TET3: variants seen among roughly 807,000 people sequenced by gnomAD.
TET3 encodes methylcytosine dioxygenase TET3.
A neutral mutation model predicts 141.4 loss-of-function variants in TET3; 19 were observed. The observed-to-expected ratio is 0.13, with a 90% confidence interval of 0.09 to 0.20. TET3 has a LOEUF of 0.20. TET3 is among the 10% of genes least tolerant of loss of function. The pLI is 1.00. For missense variants in TET3, 1,874 were observed against 2,356.9 expected (o/e 0.80, Z 4.24); for synonymous variants, 1,043 against 980.9 (o/e 1.06, Z -1.18).
At chr2:73,992,020 C>T (rs999268820) in intron 2 of TET3, among the ~76,000 whole-genome samples, 17 of 151,962 alleles carry the variant, frequency 1.1e-4, no homozygotes, top group African/African-American at 4.1e-4. Flanking sequence ...TGGTCTGAGC[C>T]CCTAAGAGGA....
At chr2:74,056,763 A>T (rs1271313141) in intron 4 of TET3, among the ~76,000 whole-genome samples, 1 of 152,176 alleles carries the variant, frequency 6.6e-6, no homozygotes, top group African/African-American at 2.4e-5. Flanking sequence ...AAATCAATAA[A>T]AATAGAGGAA....
upstream of TET3, among the ~76,000 whole-genome samples, chr2:73,984,742 G>A (rs1313552141): frequency 2.0e-5 from 3 of 149,744 alleles, no homozygotes; most frequent in Middle Eastern, 3.6e-3. This position sits in a 1 kb window ranked among gnomAD's most constrained non-coding sequence, Gnocchi z 5.6. Context: ...CCTGCCCCAA[G>A]CCGCTCGCAG....
chr2:74,021,814 A>T (rs1483107067), intron 3 of TET3, among the ~76,000 whole-genome samples: 1 of 152,256 alleles, frequency 6.6e-6, no homozygotes, highest in Non-Finnish European at 1.5e-5. Flanking sequence ...GGCTTCCAGT[A>T]CTTGATCAGG....
chr2:74,102,020 C>T lies in TET3; in HGVS notation c.5232C>T (p.Arg1744=). ...AGGCCAAGCTCTACGGGAAGAAGCG[C>T]AAGTGGGGGGGCACTGTGGTTGCTG... ...QQEAKLYGKK[R]KWGGTVVAEP... Residue 1744 remains arginine, a synonymous_variant, in exon 12 of 12, where the codon CGC becomes CGT. Transcript: ENST00000409262. 6.3e-7 allele frequency: 1 copy of T among 1,576,906 alleles called. No individual in the cohort carries two copies. Among genetic ancestry groups the T allele is most frequent in the Non-Finnish European group, 8.6e-7 (1 of 1,159,610 alleles).
intron 8 of TET3, among the ~76,000 whole-genome samples, chr2:74,090,601 G>T (rs1009344845): frequency 6.6e-6 from 1 of 152,216 alleles, no homozygotes; most frequent in Non-Finnish European, 1.5e-5. Flanking sequence ...TGACCGCTAG[G>T]CACGGCACCT....
rs1375629086 is a variant in TET3, at chr2:74,105,046, C to CCAG, written c.*2871_*2872insAGC. Reference sequence around the variant, plus strand: ...GTAACTATGCACAGCTCTTTATCCCCCCCTTGCTGCTGAAGCTTTCTTAAA... The same window carrying CCAG: ...GTAACTATGCACAGCTCTTTATCCCCCAGCCCTTGCTGCTGAAGCTTTCTTAAA... On this transcript the variant is annotated 3_prime_UTR_variant, in exon 12 of 12. Transcript: ENST00000409262. The CCAG allele has an allele frequency of 2.5e-6, 1 of 397,616 alleles. No homozygotes were observed. Among genetic ancestry groups the CCAG allele is most frequent in the African/African-American group, 2.1e-5 (1 of 48,622 alleles). The allele number at this position is 397,616 out of a possible 1,614,324, so 24.6% of individuals were successfully genotyped here. A position where few individuals can be genotyped will look rare whatever the true frequency, so the allele number is the denominator to read the frequency against.
At chr2:74,084,356 A>G (rs184421978) in intron 6 of TET3, among the ~76,000 whole-genome samples, 22 of 152,330 alleles carry the variant, frequency 1.4e-4, no homozygotes, top group Admixed American at 1.4e-3. Flanking sequence ...GGCTGGGCGC[A>G]GTGGCTCACG....
chr2:74,030,932 G>C (rs749827041), intron 3 of TET3, among the ~76,000 whole-genome samples: 1 of 152,204 alleles, frequency 6.6e-6, no homozygotes, highest in African/African-American at 2.4e-5. Context: ...GTTTAGCCAG[G>C]ATGCCCAGGG....
chr2:74,118,922 C>A, the TET3 span, among the ~76,000 whole-genome samples: 1 of 152,138 alleles, frequency 6.6e-6, no homozygotes, highest in Non-Finnish European at 1.5e-5. Context: ...GCAATAATGT[C>A]TCTTATAATT....
downstream of TET3, among the ~76,000 whole-genome samples, chr2:74,110,529 A>G (rs1180525504): frequency 3.9e-5 from 6 of 152,064 alleles, no homozygotes; most frequent in African/African-American, 1.4e-4. Context: ...CCCTAAAAAC[A>G]TGTTCGACAC....
intron 6 of TET3, 117 bp downstream of exon 6, chr2:74,080,708 G>GT: frequency 2.9e-6 from 1 of 340,048 alleles, no homozygotes; most frequent in Non-Finnish European, 5.4e-6. Context: ...GCGGGGGGTG[G>GT]GGCCAGGTGG....
chr2:74,104,082 C>T lies in TET3; in HGVS notation c.*1906C>T, dbSNP rs1158665122. 1 of 153,502 alleles carries T rather than the reference C, an allele frequency of 6.5e-6. No homozygotes were observed. Among genetic ancestry groups the T allele is most frequent in the Admixed American group, 6.6e-5 (1 of 15,258 alleles). 9.5% of individuals were successfully genotyped at this position (153,502 alleles called of 1,614,324 possible). A position where few individuals can be genotyped will look rare whatever the true frequency, so the allele number is the denominator to read the frequency against. ...GAGCATTTATGTGGTCTGGTTTTAA[C>T]TGTAAATAGTGAAAGATTTTTTTAA... On this transcript the variant is annotated 3_prime_UTR_variant, in exon 12 of 12. Transcript: ENST00000409262.
chr2:74,046,216 G>A lies in TET3; in HGVS notation c.361-62G>A. ...GTGCACCTGAGTGGTATGAAGCAGG[G>A]AAATGCTTTTCAAATAGTGTGGTTC... On this transcript the variant is annotated intron_variant, in intron 3 of 11. Transcript: ENST00000409262. The surrounding 1 kb of genome is among the most constrained non-coding windows in gnomAD (Gnocchi z 4.3). 1.4e-6 allele frequency: 2 copies of A among 1,432,868 alleles called. No individual in the cohort carries two copies. The highest frequency in any genetic ancestry group is 1.7e-5 in the South Asian group (1 of 60,146). 88.8% of individuals were successfully genotyped at this position (1,432,868 alleles called of 1,614,324 possible). A position where few individuals can be genotyped will look rare whatever the true frequency, so the allele number is the denominator to read the frequency against.
chr2:73,986,987 C>G (rs1016446285), intron 2 of TET3, among the ~76,000 whole-genome samples: 4 of 152,194 alleles, frequency 2.6e-5, no homozygotes, highest in African/African-American at 7.2e-5. Flanking sequence ...CTAGAAGTTT[C>G]TTGTCCTGCT....
chr2:74,063,371 AT>A (rs1370127980), intron 4 of TET3, among the ~76,000 whole-genome samples: 2 of 152,132 alleles, frequency 1.3e-5, no homozygotes, highest in Non-Finnish European at 2.9e-5. Context: ...TTGTCAGGCA[AT>A]ACTTCACCAC....
chr2:74,111,794 A>C (rs1024754080), downstream of TET3, among the ~76,000 whole-genome samples: 2 of 152,192 alleles, frequency 1.3e-5, no homozygotes, highest in African/African-American at 2.4e-5. Context: ...TTGGTGCCAA[A>C]GTTTGTGCCC....
intron 11 of TET3, 102 bp downstream of exon 11, chr2:74,099,714 C>T: frequency 8.1e-7 from 1 of 1,236,708 alleles, no homozygotes; most frequent in Admixed American, 2.8e-5. Context: ...GAACTGGGGC[C>T]TCTGCTTAAT....
chr2:74,096,757 A>G (rs1264708548), intron 10 of TET3, among the ~76,000 whole-genome samples: 2 of 141,044 alleles, frequency 1.4e-5, no homozygotes, highest in African/African-American at 5.0e-5. Context: ...AATAAGAGCA[A>G]AACTCTGTCT....
intron 4 of TET3, among the ~76,000 whole-genome samples, chr2:74,064,560 C>A (rs908502038): frequency 7.2e-5 from 11 of 152,034 alleles, no homozygotes; most frequent in Non-Finnish European, 1.5e-4. Context: ...TGCCACCACG[C>A]CTGCCTAATT....
Sources: gnomAD v4.1 joint callset for allele counts (sites outside exome capture counted in the v4.1 genomes callset) on GRCh38, gnomAD v4.1.1 for gene constraint, Gnocchi (gnomAD v3.1) non-coding constraint, MANE v1.5 for transcripts, NCBI Gene and HGNC (gene_info 2026-07-23, HGNC 2026-07-21) for gene names.